Variants in VWA3A observed in about 807,000 individuals in gnomAD.
VWA3A encodes von Willebrand factor A domain-containing protein 3A.
A neutral mutation model predicts 160.4 loss-of-function variants in VWA3A; 134 were observed. The observed-to-expected ratio is 0.84, with a 90% CI of 0.73 to 0.96. VWA3A has a LOEUF of 0.96. Among genes scored for constraint, VWA3A ranks in the 40% least tolerant of loss-of-function variants. VWA3A has a pLI of 0.00. For synonymous variants in VWA3A, 476 were observed against 543.4 expected, an observed-to-expected ratio of 0.88 and a Z score of 1.72; for missense variants, 1,310 against 1,447.9, an observed-to-expected ratio of 0.90 and a Z score of 1.55.
chr16:22,143,702 C>T (rs1161575473), intron 25 of VWA3A, among the ~76,000 whole-genome samples: 2 of 151,262 alleles, frequency 1.3e-5, no homozygotes, highest in Non-Finnish European at 2.9e-5. Context: ...GGGAGGTGCG[C>T]GATAGATTTT....
Position 22,150,682 on chromosome 16 carries a change from T to C in VWA3A, c.3130-13T>C. On this transcript the variant is annotated splice_polypyrimidine_tract_variant and intron_variant, in intron 29 of 33. Transcript: ENST00000389398. The stretch of plus-strand genomic sequence containing the variant: ...TCTCCCCTGAGCCTGACAGCCTTCC[T>C]GCGTTCTTTCAGAAAGCTTTCAGTT... 1 of 1,601,064 alleles carries C rather than the reference T, an allele frequency of 6.2e-7. No individual in the cohort carries two copies. Among genetic ancestry groups the C allele is most frequent in the Non-Finnish European group, 8.5e-7 (1 of 1,173,524 alleles).
In VWA3A at chr16:22,134,352, T is replaced by A; in HGVS notation, c.2069-16T>A. 3 of 1,588,912 alleles carry A rather than the reference T, an allele frequency of 1.9e-6. No homozygotes were observed. The highest frequency in any genetic ancestry group is 1.7e-6 in the Non-Finnish European group (2 of 1,166,936). Reference sequence around the variant, plus strand: ...ACACCCTGTCTCACCTTGCTCACGATGTGCTTTGTTTCCAGGCATTTATGA... The same window carrying A: ...ACACCCTGTCTCACCTTGCTCACGAAGTGCTTTGTTTCCAGGCATTTATGA... On this transcript the variant is annotated splice_polypyrimidine_tract_variant and intron_variant, in intron 20 of 33. Transcript: ENST00000389398.
At chr16:22,129,839 A>G (rs2045918095) in intron 17 of VWA3A, among the ~76,000 whole-genome samples, 1 of 152,098 alleles carries the variant, frequency 6.6e-6, no homozygotes, top group South Asian at 2.1e-4. Context: ...TGGGAGGAAA[A>G]CAAGAGAGAA....
intron 26 of VWA3A, among the ~76,000 whole-genome samples, chr16:22,144,595 AG>A (rs1218004785): frequency 6.6e-6 from 1 of 152,112 alleles, no homozygotes; most frequent in Non-Finnish European, 1.5e-5. Context: ...TTCCAGGGTT[AG>A]ATGAGCTCAT....
At chr16:22,132,841 A>C in intron 19 of VWA3A, 59 bp from the exon 20 acceptor site, 2 of 1,547,150 alleles carry the variant, frequency 1.3e-6, no homozygotes, top group South Asian at 2.4e-5. Context: ...GGCTGCCCAG[A>C]GCCCCACAGC....
intron 27 of VWA3A, 28 bp downstream of exon 27, chr16:22,146,372 G>A (rs1254531449): frequency 1.3e-6 from 2 of 1,596,652 alleles, no homozygotes; most frequent in Non-Finnish European, 1.7e-6. Flanking sequence ...CCTGAAGGGT[G>A]GAGGAGCATG....
In VWA3A at chr16:22,148,320, G is replaced by C; in HGVS notation, c.2984+14G>C. The stretch of plus-strand genomic sequence containing the variant: ...GTGCTGTGACAGGTAGGAGGCGAGG[G>C]CTGATCAGGAAGATCAAAGGGGCAG... On this transcript the variant is annotated intron_variant, in intron 28 of 33. Coordinates refer to ENST00000389398, the MANE Select transcript of VWA3A (RefSeq NM_173615.5). 1 of 1,584,988 alleles carries C rather than the reference G, an allele frequency of 6.3e-7. No homozygotes were observed. Among genetic ancestry groups the C allele is most frequent in the Non-Finnish European group, 8.6e-7 (1 of 1,165,754 alleles).
At chr16:22,118,047 G>A (rs951487402) in intron 11 of VWA3A, among the ~76,000 whole-genome samples, 5 of 152,204 alleles carry the variant, frequency 3.3e-5, no homozygotes, top group African/African-American at 4.8e-5. Context: ...TTGGAAGGCC[G>A]AGACAGGAAG....
rs774923438 is a variant in VWA3A at position 22,142,777 on chromosome 16, C to T, written c.2592+12C>T. ...GCTCAAGCCAAGAGGTATTAAGTCACCCATACTAGCACATGCCCATTAAGC... is the reference window on the plus strand; with the variant it reads ...GCTCAAGCCAAGAGGTATTAAGTCATCCATACTAGCACATGCCCATTAAGC... On this transcript the variant is annotated intron_variant, in intron 25 of 33. Transcript: ENST00000389398. The T allele has an allele frequency of 2.6e-6, 4 of 1,542,212 alleles. No individual in the cohort carries two copies. In the South Asian group the frequency reaches 3.6e-5, roughly 14 times the overall value.
intron 28 of VWA3A, 96 bp downstream of exon 28, chr16:22,148,402 A>C (rs2046293992): frequency 1.2e-5 from 18 of 1,440,394 alleles, no homozygotes; most frequent in Non-Finnish European, 1.7e-5. Flanking sequence ...ACAGGCCTGG[A>C]GTTTCTGAGA....
intron 33 of VWA3A, 44 bp from the exon 34 acceptor site, chr16:22,155,988 G>A: frequency 6.6e-7 from 1 of 1,504,678 alleles, no homozygotes; most frequent in Non-Finnish European, 9.1e-7. Context: ...CTATTTTGTG[G>A]TCAATAATAA....
chr16:22,138,553 C>G (rs370712754), intron 22 of VWA3A, 41 bp downstream of exon 22: 2 of 1,611,144 alleles, frequency 1.2e-6, no homozygotes, highest in South Asian at 2.2e-5. Context: ...GATTTGGTTT[C>G]CTGTTTGTCT....
chr16:22,133,391 C>T (rs1361697733), intron 20 of VWA3A, among the ~76,000 whole-genome samples: 1 of 152,038 alleles, frequency 6.6e-6, no homozygotes, highest in Non-Finnish European at 1.5e-5. Flanking sequence ...GTGGCTCATA[C>T]CCACAATCCC....
intron 14 of VWA3A, 132 bp downstream of exon 14, chr16:22,121,749 C>A: frequency 1.5e-6 from 1 of 684,034 alleles, no homozygotes; most frequent in Non-Finnish European, 2.5e-6. Context: ...CTAGAATGCA[C>A]ATCAAATCCA....
chr16:22,113,192 TTTTG>T (rs907553700), intron 8 of VWA3A, among the ~76,000 whole-genome samples: 2 of 151,710 alleles, frequency 1.3e-5, no homozygotes, highest in African/African-American at 2.4e-5. Context: ...TTTTTTGTCT[TTTTG>T]TTTGTTTGTT....
chr16:22,116,374 GA>G, intron 9 of VWA3A: 1 of 415,050 alleles, frequency 2.4e-6, no homozygotes, highest in Middle Eastern at 7.1e-4. Context: ...AAGGAAGAGA[GA>G]AAAAAGAGGA....
At position 22,132,919 on chromosome 16, in the gene VWA3A, T is replaced by C; in HGVS notation, c.1892T>C (p.Met631Thr). ...DQDMPTLSAY[M>T]AEACGGCDLQ... ...CACCAGCCTACACTCAGTGCCTACA[T>C]GGCTGAGGCCTGTGGCGGCTGCGAC... is the stretch of plus-strand genomic sequence containing the variant. The change falls in exon 20 of 34, where the codon ATG (methionine) becomes ACG (threonine). Residue 631 changes from methionine to threonine, a missense_variant. Met to Thr is a moderately conservative substitution (Grantham distance 81). Transcript: ENST00000389398. 1.9e-6 allele frequency: 3 copies of C among 1,613,626 alleles called. No homozygotes were observed. The East Asian group carries it at 6.7e-5, about 36-fold the overall frequency.
chr16:22,132,836 C>T (rs2045971806), intron 19 of VWA3A, 64 bp from the exon 20 acceptor site: 8 of 1,531,286 alleles, frequency 5.2e-6, no homozygotes, highest in Non-Finnish European at 7.1e-6. Flanking sequence ...GGCTGGGCTG[C>T]CCAGAGCCCC....
At chr16:22,118,863 A>G in intron 11 of VWA3A, 39 bp from the exon 12 acceptor site, 1 of 1,612,184 alleles carries the variant, frequency 6.2e-7, no homozygotes, top group Non-Finnish European at 8.5e-7. Context: ...GCAGGTAGTC[A>G]AGTGATTCCG....
Sources: allele counts gnomAD v4.1 joint callset (sites outside exome capture counted in the v4.1 genomes callset), GRCh38; gene constraint gnomAD v4.1.1; transcripts MANE v1.5; gene names NCBI Gene and HGNC (gene_info 2026-07-23, HGNC 2026-07-21).